The following TINCR variants were observed in gnomAD, a reference collection of about 807,000 sequenced individuals.
TINCR encodes TINCR-encoded ubiquitin-like protein.
chr19:5,563,740 C>T lies in TINCR; in HGVS notation c.261-791G>A, dbSNP rs919643477. Among the ~76,000 whole-genome samples the T allele has an allele frequency of 1.7e-4, 26 of 152,130 alleles. No individual in the cohort carries two copies. Among genetic ancestry groups the T allele is most frequent in the Admixed American group, 1.4e-3 (21 of 15,276 alleles). On this transcript the variant is annotated intron_variant, in intron 1 of 1. Transcript: ENST00000646160. This position sits in a 1 kb window ranked among gnomAD's most constrained non-coding sequence, Gnocchi z 4.7. ...GACCAGCCTGGCCAACATGGTGAAA[C>T]GGTCTCTACTAAAAATACAAAAAAA...
At chr19:5,566,663 C>A (rs1366431823) in intron 1 of TINCR, among the ~76,000 whole-genome samples, 1 of 150,572 alleles carries the variant, frequency 6.6e-6, no homozygotes, top group East Asian at 2.0e-4. Context: ...GAGAGAGACA[C>A]ACACATACAC....
intron 1 of TINCR, 43 bp downstream of exon 1, chr19:5,567,617 TCCCCG>T: frequency 2.8e-6 from 1 of 360,338 alleles, no homozygotes. Flanking sequence ...TCTCCAGGGG[TCCCCG>T]GCCGCCGCCC....
At chr19:5,564,019 T>C (rs1430945287) in intron 1 of TINCR, among the ~76,000 whole-genome samples, 1 of 152,196 alleles carries the variant, frequency 6.6e-6, no homozygotes, top group East Asian at 1.9e-4. Flanking sequence ...AGCATGACCA[T>C]GACTCAGTGC....
chr19:5,560,369 CATT>C (rs937960500), downstream of TINCR: 4 of 152,382 alleles, frequency 2.6e-5, no homozygotes, highest in East Asian at 1.9e-4. This position sits in a 1 kb window ranked among gnomAD's most constrained non-coding sequence, Gnocchi z 4.5. Flanking sequence ...TTAACTAAAA[CATT>C]ATTTCTTCCC....
chr19:5,565,028 G>A lies in TINCR; in HGVS notation c.261-2079C>T, dbSNP rs370078990. ...GCCTGTGAGCATTGAGTCAGGTCCC[G>A]TCCCTCCTCTGCCCACAGCCCTCTA... On this transcript the variant is annotated intron_variant, in intron 1 of 1. Transcript: ENST00000646160. The surrounding 1 kb of genome is among the most constrained non-coding windows in gnomAD (Gnocchi z 4.0). Among the ~76,000 whole-genome samples, 4 of 152,024 alleles carry A rather than the reference G, an allele frequency of 2.6e-5. No homozygotes were observed. Among genetic ancestry groups the A allele is most frequent in the Admixed American group, 6.5e-5 (1 of 15,270 alleles).
chr19:5,562,056 C>G (rs1277042923), downstream of TINCR: 1 of 152,684 alleles, frequency 6.5e-6, no homozygotes, highest in East Asian at 1.9e-4. The surrounding 1 kb of genome is among the most constrained non-coding windows in gnomAD (Gnocchi z 4.4). Flanking sequence ...GGTCCTTTCT[C>G]TTTCTCAACT....
At chr19:5,564,124 G>C (rs906610268) in intron 1 of TINCR, among the ~76,000 whole-genome samples, 1 of 152,146 alleles carries the variant, frequency 6.6e-6, no homozygotes, top group Non-Finnish European at 1.5e-5. Flanking sequence ...GTAGAAACAG[G>C]AGGTGGCAAG....
At chr19:5,560,022 G>C (rs1270970639), downstream of TINCR, 1 of 152,250 alleles carries the variant, frequency 6.6e-6, no homozygotes, top group East Asian at 1.9e-4. The surrounding 1 kb of genome is among the most constrained non-coding windows in gnomAD (Gnocchi z 4.5). Flanking sequence ...AGGCACCAAG[G>C]GGAGAGGTGG....
chr19:5,567,626 G>GCCGCCC, intron 1 of TINCR, 39 bp downstream of exon 1: 1 of 202,442 alleles, frequency 4.9e-6, no homozygotes, highest in Non-Finnish European at 9.8e-6. Context: ...GTCCCCGGCC[G>GCCGCCC]CCGCCCCCGC....
intron 1 of TINCR, among the ~76,000 whole-genome samples, chr19:5,564,973 A>C (rs919292447): frequency 7.3e-5 from 11 of 151,648 alleles, no homozygotes; most frequent in Non-Finnish European, 1.6e-4. Context: ...CCCCCATCAC[A>C]GTCTGTTCTC....
chr19:5,565,334 C>T lies in TINCR; in HGVS notation c.260+2331G>A, dbSNP rs1441631364. 6.6e-6 allele frequency among the ~76,000 whole-genome samples: 1 copy of T among 152,144 alleles called. No homozygotes were observed. The highest frequency in any genetic ancestry group is 1.5e-5 in the Non-Finnish European group (1 of 68,026). ...CATGTCACCTTTCCGGAGAGGCGTC[C>T]CCCAGTCACTGATCCCTCTCCACCT... On this transcript the variant is annotated intron_variant, in intron 1 of 1. Transcript: ENST00000646160. This position sits in a 1 kb window ranked among gnomAD's most constrained non-coding sequence, Gnocchi z 4.0.
downstream of TINCR, chr19:5,558,748 T>C (rs2052084238): frequency 6.6e-6 from 1 of 152,214 alleles, no homozygotes; most frequent in Non-Finnish European, 1.5e-5. Context: ...TGACATTCAG[T>C]GGGGGCTGCT....
In TINCR at chr19:5,565,188, G is replaced by T. The variant is rs1049109344; in HGVS notation, c.261-2239C>A. 6.6e-6 allele frequency among the ~76,000 whole-genome samples: 1 copy of T among 151,484 alleles called. No homozygotes were observed. Among genetic ancestry groups the T allele is most frequent in the African/African-American group, 2.4e-5 (1 of 41,162 alleles). On this transcript the variant is annotated intron_variant, in intron 1 of 1. Coordinates refer to ENST00000646160, the Ensembl canonical transcript of TINCR. The surrounding 1 kb of genome is among the most constrained non-coding windows in gnomAD (Gnocchi z 4.0). Reference sequence around the variant, plus strand: ...TTGCTCCAGCCACACGGGCCTCCTCGCTGTTCCTCCAACATGCCAGGTGCA... The same window carrying T: ...TTGCTCCAGCCACACGGGCCTCCTCTCTGTTCCTCCAACATGCCAGGTGCA...
At chr19:5,564,451 G>A (rs2052117519) in intron 1 of TINCR, among the ~76,000 whole-genome samples, 4 of 150,642 alleles carry the variant, frequency 2.7e-5, no homozygotes, top group Admixed American at 2.6e-4. Flanking sequence ...AAGGCAGATA[G>A]GGGCCCCTGT....
downstream of TINCR, chr19:5,558,363 G>C (rs186478254): frequency 7.0e-4 from 107 of 152,328 alleles, no homozygotes; most frequent in African/African-American, 2.6e-3. Context: ...AGGGAAGTAG[G>C]CTCTCCTTGA....
intron 1 of TINCR, 46 bp downstream of exon 1, chr19:5,567,619 C>G (rs1297532550): frequency 5.6e-6 from 2 of 359,484 alleles, no homozygotes; most frequent in Non-Finnish European, 9.9e-6. Flanking sequence ...TCCAGGGGTC[C>G]CCGGCCGCCG....
At chr19:5,560,887 A>G (rs1257047941), downstream of TINCR, 3 of 153,586 alleles carry the variant, frequency 2.0e-5, no homozygotes, top group East Asian at 5.8e-4. This position sits in a 1 kb window ranked among gnomAD's most constrained non-coding sequence, Gnocchi z 4.5. Flanking sequence ...AGGGCTGTTC[A>G]CTGCACAAAG....
At position 5,565,006 on chromosome 19, in the gene TINCR, T is replaced by C. The variant is rs1236760701; in HGVS notation, c.261-2057A>G. On this transcript the variant is annotated intron_variant, in intron 1 of 1. Transcript: ENST00000646160. The surrounding 1 kb of genome is among the most constrained non-coding windows in gnomAD (Gnocchi z 4.0). ...CTCCCCGCTGCAGCCAGGGGTTGCC[T>C]GTGAGCATTGAGTCAGGTCCCGTCC... Among the ~76,000 whole-genome samples the C allele has an allele frequency of 2.0e-5, 3 of 152,174 alleles. No individual in the cohort carries two copies. Among genetic ancestry groups the C allele is most frequent in the East Asian group, 1.9e-4 (1 of 5,170 alleles).
chr19:5,566,708 A>G (rs1306287709), intron 1 of TINCR, among the ~76,000 whole-genome samples: 1 of 151,930 alleles, frequency 6.6e-6, no homozygotes, highest in Non-Finnish European at 1.5e-5. Context: ...AAATGGACAA[A>G]GAGACAAAAG....
Sources: allele counts gnomAD v4.1 joint callset (sites outside exome capture counted in the v4.1 genomes callset), GRCh38; gene constraint gnomAD v4.1.1; non-coding constraint Gnocchi (gnomAD v3.1); transcripts MANE v1.5; gene names NCBI Gene and HGNC (gene_info 2026-07-23, HGNC 2026-07-21).